Variants in R3HDM2 observed in about 807,000 individuals in gnomAD.
The protein encoded by R3HDM2 is R3H domain-containing protein 2.
In R3HDM2, 38 loss-of-function variants were observed where a neutral mutation model predicts 124.5. The observed-to-expected ratio is 0.31, with a 90% CI of 0.24 to 0.40. The LOEUF (loss-of-function observed/expected upper bound fraction) is 0.40. Ranked by LOEUF, R3HDM2 falls within the 10% of genes least tolerant of loss-of-function variation. R3HDM2 has a pLI of 1.00. For synonymous variants in R3HDM2, 391 were observed against 448.0 expected (o/e 0.87, Z 1.61); for missense variants, 869 against 1,236.9 (o/e 0.70, Z 4.46).
intron 2 of R3HDM2, among the ~76,000 whole-genome samples, chr12:57,361,572 T>C (rs1372365088): frequency 6.6e-6 from 1 of 151,474 alleles, no homozygotes; most frequent in African/African-American, 2.4e-5. Context: ...TGGTCCCAAG[T>C]TTTCAGGAGG....
chr12:57,383,649 G>A (rs1219011781), intron 2 of R3HDM2, among the ~76,000 whole-genome samples: 4 of 151,918 alleles, frequency 2.6e-5, no homozygotes, highest in Admixed American at 6.6e-5. Context: ...TGGAGGTTGC[G>A]GTGAGCCGAG....
intron 2 of R3HDM2, among the ~76,000 whole-genome samples, chr12:57,367,323 C>G (rs1819261922): frequency 6.6e-6 from 1 of 152,182 alleles, no homozygotes; most frequent in South Asian, 2.1e-4. Context: ...GATGATGAAA[C>G]TGGGGCTACT....
chr12:57,280,919 C>T (rs980928187), intron 13 of R3HDM2, among the ~76,000 whole-genome samples: 16 of 92,036 alleles, frequency 1.7e-4, no homozygotes, highest in African/African-American at 6.2e-4. Flanking sequence ...TTAAGAGATC[C>T]GTCCTTTTGC....
chr12:57,425,449 C>T (rs898905686), intron 1 of R3HDM2, among the ~76,000 whole-genome samples: 6 of 152,102 alleles, frequency 3.9e-5, no homozygotes, highest in African/African-American at 1.4e-4. Context: ...TCAATGTCCT[C>T]GCAAAGGTTT....
At chr12:57,344,809 ACTT>A (rs748578048) in intron 2 of R3HDM2, among the ~76,000 whole-genome samples, 1 of 151,952 alleles carries the variant, frequency 6.6e-6, no homozygotes, top group Non-Finnish European at 1.5e-5. Context: ...AAGGAAAAAA[ACTT>A]CTCCTGTTTT....
At chr12:57,303,462 G>A (rs1262674319) in intron 3 of R3HDM2, among the ~76,000 whole-genome samples, 2 of 151,976 alleles carry the variant, frequency 1.3e-5, no homozygotes, top group Non-Finnish European at 2.9e-5. Context: ...ATCAGAAGAT[G>A]GTCAGATGTG....
intron 1 of R3HDM2, among the ~76,000 whole-genome samples, chr12:57,400,746 T>A (rs2067974307): frequency 6.6e-6 from 1 of 152,006 alleles, no homozygotes; most frequent in African/African-American, 2.4e-5. Flanking sequence ...AGTAACTCTC[T>A]ATAACTAACA....
At chr12:57,389,880 C>G (rs1324311453) in intron 2 of R3HDM2, among the ~76,000 whole-genome samples, 5 of 152,170 alleles carry the variant, frequency 3.3e-5, no homozygotes, top group African/African-American at 1.2e-4. Flanking sequence ...TCATCTTGTG[C>G]TATGGTAGCT....
intron 2 of R3HDM2, among the ~76,000 whole-genome samples, chr12:57,316,164 T>C (rs2054973841): frequency 6.6e-6 from 1 of 152,148 alleles, no homozygotes; most frequent in Non-Finnish European, 1.5e-5. Context: ...AACAAAATAA[T>C]TCTTACACTG....
intron 2 of R3HDM2, among the ~76,000 whole-genome samples, chr12:57,382,976 C>T (rs1438481742): frequency 4.0e-5 from 6 of 151,898 alleles, no homozygotes; most frequent in South Asian, 2.1e-4. Context: ...CTCTGCCTCC[C>T]GGGTTCAAGC....
chr12:57,385,781 G>A (rs1731164000), intron 2 of R3HDM2, among the ~76,000 whole-genome samples: 1 of 152,126 alleles, frequency 6.6e-6, no homozygotes, highest in Non-Finnish European at 1.5e-5. Flanking sequence ...GGACTAGACA[G>A]AAGAGCAGCT....
At chr12:57,264,578 A>C (rs1006783231) in intron 19 of R3HDM2, among the ~76,000 whole-genome samples, 2 of 151,290 alleles carry the variant, frequency 1.3e-5, no homozygotes, top group African/African-American at 4.9e-5. Flanking sequence ...TCTCAAAAAA[A>C]AGAAAAGAAA....
At chr12:57,401,656 A>G (rs576410003) in intron 1 of R3HDM2, among the ~76,000 whole-genome samples, 19 of 152,226 alleles carry the variant, frequency 1.2e-4, no homozygotes, top group Non-Finnish European at 2.1e-4. Context: ...AAATCATGTA[A>G]TCACTATGAT....
intron 2 of R3HDM2, among the ~76,000 whole-genome samples, chr12:57,349,377 TC>T (rs1307966562): frequency 7.7e-5 from 2 of 25,932 alleles, no homozygotes; most frequent in East Asian, 2.4e-3. Flanking sequence ...AGACTCCGTC[TC>T]CAAAAAAAAA....
In R3HDM2 at chr12:57,254,381, G is replaced by T. The variant is rs967681403; in HGVS notation, c.*392C>A. The T allele has an allele frequency of 4.0e-5, 16 of 395,574 alleles. No individual in the cohort carries two copies. The highest frequency in any genetic ancestry group is 6.3e-5 in the Non-Finnish European group (13 of 206,216). 24.5% of individuals were successfully genotyped at this position (395,574 alleles called of 1,614,324 possible). On this transcript the variant is annotated 3_prime_UTR_variant, in exon 24 of 24. Transcript: ENST00000402412. ...CCGGGCATGGTGGCGCGTGTCTGTA[G>T]TGCCAGCTACTTGGGAGGCTGAGGC...
intron 22 of R3HDM2, 24 bp downstream of exon 22, chr12:57,256,390 A>G (rs755103427): frequency 6.6e-7 from 1 of 1,512,754 alleles, no homozygotes; most frequent in South Asian, 1.2e-5. Flanking sequence ...TGATGGCCCT[A>G]CAGTTGCTGG....
intron 2 of R3HDM2, among the ~76,000 whole-genome samples, chr12:57,319,796 A>T (rs1200954183): frequency 6.6e-6 from 1 of 152,156 alleles, no homozygotes; most frequent in Non-Finnish European, 1.5e-5. Context: ...TAAACTAAGC[A>T]TAAAACTGTA....
intron 2 of R3HDM2, among the ~76,000 whole-genome samples, chr12:57,390,509 C>T (rs2066506480): frequency 6.6e-6 from 1 of 151,954 alleles, no homozygotes; most frequent in Non-Finnish European, 1.5e-5. Context: ...ACCAGCTTGG[C>T]AACATAGTGA....
At chr12:57,377,106 A>ATAAATAAAT (rs59025569) in intron 2 of R3HDM2, among the ~76,000 whole-genome samples, 1 of 130,318 alleles carries the variant, frequency 7.7e-6, no homozygotes, top group African/African-American at 2.6e-5. Context: ...AAATAAATAA[A>ATAAATAAAT]AGAGACTTGG....
Sources: gnomAD v4.1 joint callset for allele counts (sites outside exome capture counted in the v4.1 genomes callset) on GRCh38, gnomAD v4.1.1 for gene constraint, MANE v1.5 for transcripts, NCBI Gene and HGNC (gene_info 2026-07-23, HGNC 2026-07-21) for gene names.